The following ROBO2 variants were observed in gnomAD, a reference collection of about 807,000 sequenced individuals.
ROBO2 encodes roundabout homolog 2.
Under a neutral mutation model 160.8 loss-of-function variants are expected in ROBO2, and 53 were observed. The observed-to-expected ratio is 0.33, with a 90% CI of 0.26 to 0.41. ROBO2 has a LOEUF of 0.41. Among genes scored for constraint, ROBO2 ranks in the 10% least tolerant of loss-of-function variants. The pLI is 1.00. For missense variants in ROBO2, 1,577 were observed against 1,722.4 expected (o/e 0.92, Z 1.49); for synonymous variants, 664 against 611.7 (o/e 1.09, Z -1.26).
intron 2 of ROBO2, among the ~76,000 whole-genome samples, chr3:76,074,221 G>C (rs1472220206): frequency 6.6e-6 from 1 of 152,120 alleles, no homozygotes; most frequent in Non-Finnish European, 1.5e-5. Flanking sequence ...ATGTGAAGCT[G>C]AGGCTCAGAG....
intron 2 of ROBO2, among the ~76,000 whole-genome samples, chr3:76,039,956 G>A (rs2067230085): frequency 6.6e-6 from 1 of 151,986 alleles, no homozygotes; most frequent in Admixed American, 6.5e-5. Flanking sequence ...CATGAAAGGG[G>A]CCATATTATT....
At chr3:77,438,323 A>G (rs1581943339) in intron 2 of ROBO2, among the ~76,000 whole-genome samples, 2 of 152,066 alleles carry the variant, frequency 1.3e-5, no homozygotes, top group Non-Finnish European at 1.5e-5. Flanking sequence ...AGGACTAGCA[A>G]TTGTCCAAAT....
rs932278123 is a variant in ROBO2 at position 77,537,890 on chromosome 3, C to T, written c.935-8448C>T. On this transcript the variant is annotated intron_variant, in intron 6 of 25. Coordinates refer to ENST00000461745, the Ensembl canonical transcript of ROBO2. Reference sequence around the variant, plus strand: ...GAACAGCAGGGTAAAGACCCTGCCCCGTGATTCAATTACCTCCCACCGGGT... The same window carrying T: ...GAACAGCAGGGTAAAGACCCTGCCCTGTGATTCAATTACCTCCCACCGGGT... Among the ~76,000 whole-genome samples, 6 of 152,106 alleles carry T rather than the reference C, an allele frequency of 3.9e-5. No homozygotes were observed. The East Asian group carries it at 5.8e-4, about 15-fold the overall frequency.
chr3:77,164,858 C>T (rs1287462216), intron 2 of ROBO2, among the ~76,000 whole-genome samples: 8 of 52,822 alleles, frequency 1.5e-4, no homozygotes, highest in African/African-American at 2.8e-4. Context: ...CCCCTCAGCC[C>T]GGCCAGCCAC....
chr3:77,492,977 A>G (rs183163541), intron 4 of ROBO2, among the ~76,000 whole-genome samples: 1 of 152,312 alleles, frequency 6.6e-6, no homozygotes. Context: ...GATTTAGCTC[A>G]GGGATTCACT....
At chr3:76,739,905 A>T (rs1227215768) in intron 2 of ROBO2, among the ~76,000 whole-genome samples, 1 of 152,216 alleles carries the variant, frequency 6.6e-6, no homozygotes, top group African/African-American at 2.4e-5. Flanking sequence ...ACTAAATAAA[A>T]TTCCAGTGTT....
At chr3:76,366,992 T>C (rs1468188390) in intron 2 of ROBO2, among the ~76,000 whole-genome samples, 1 of 151,998 alleles carries the variant, frequency 6.6e-6, no homozygotes, top group African/African-American at 2.4e-5. Context: ...GCCAAATTAG[T>C]GTGCACTCAA....
At chr3:76,283,886 A>G (rs1708373738) in intron 2 of ROBO2, among the ~76,000 whole-genome samples, 1 of 152,018 alleles carries the variant, frequency 6.6e-6, no homozygotes, top group South Asian at 2.1e-4. Flanking sequence ...TCTCTATGAA[A>G]ATCTTATGAA....
At chr3:76,963,848 AAG>A (rs1491027290) in intron 2 of ROBO2, among the ~76,000 whole-genome samples, 1 of 148,566 alleles carries the variant, frequency 6.7e-6, no homozygotes, top group Admixed American at 6.6e-5. Flanking sequence ...AAAAAAAAAA[AAG>A]AAAAAAAAGA....
At chr3:76,049,634 T>C (rs2067588753) in intron 2 of ROBO2, among the ~76,000 whole-genome samples, 1 of 151,948 alleles carries the variant, frequency 6.6e-6, no homozygotes, top group South Asian at 2.1e-4. Context: ...AAGTTATTTA[T>C]ATCACACTCT....
intron 2 of ROBO2, among the ~76,000 whole-genome samples, chr3:76,919,693 T>C (rs1300465937): frequency 6.6e-6 from 1 of 152,152 alleles, no homozygotes; most frequent in Non-Finnish European, 1.5e-5. Context: ...AAAATAATAT[T>C]ATTTTTTATT....
chr3:77,457,253 A>G (rs2081755378), intron 2 of ROBO2, among the ~76,000 whole-genome samples: 2 of 152,176 alleles, frequency 1.3e-5, no homozygotes, highest in African/African-American at 2.4e-5. Context: ...TTGGGTTGTC[A>G]AGAAACTAAG....
At chr3:76,305,298 G>T (rs2071279871) in intron 2 of ROBO2, among the ~76,000 whole-genome samples, 1 of 144,302 alleles carries the variant, frequency 6.9e-6, no homozygotes, top group African/African-American at 2.6e-5. Context: ...GGCTGAGGCA[G>T]GAAGATTGCT....
At chr3:76,030,405 C>T (rs536680160) in intron 2 of ROBO2, among the ~76,000 whole-genome samples, 1 of 152,246 alleles carries the variant, frequency 6.6e-6, no homozygotes, top group Non-Finnish European at 1.5e-5. Flanking sequence ...CTTTTGATGC[C>T]GTTGCTTTTG....
intron 2 of ROBO2, among the ~76,000 whole-genome samples, chr3:76,726,632 C>T (rs1393483229): frequency 6.6e-6 from 1 of 152,166 alleles, no homozygotes; most frequent in East Asian, 1.9e-4. Flanking sequence ...TGAGGAGCCT[C>T]ACTCCTACCA....
chr3:76,933,410 A>T (rs529465160), intron 2 of ROBO2, among the ~76,000 whole-genome samples: 3 of 152,322 alleles, frequency 2.0e-5, no homozygotes, highest in African/African-American at 4.8e-5. Flanking sequence ...GAAAAATTTT[A>T]AAACTTCCTG....
chr3:76,642,353 T>TTC (rs1355773316), intron 2 of ROBO2, among the ~76,000 whole-genome samples: 2 of 137,024 alleles, frequency 1.5e-5, no homozygotes, highest in African/African-American at 5.6e-5. Context: ...TTTTTTTTTT[T>TTC]TTTTTTTTTT....
At chr3:76,028,223 C>A (rs573981346) in intron 2 of ROBO2, among the ~76,000 whole-genome samples, 2 of 140,968 alleles carry the variant, frequency 1.4e-5, no homozygotes, top group South Asian at 4.9e-4. Context: ...TAGAATTAAA[C>A]CATATTCAAA....
At position 76,828,638 on chromosome 3, in the gene ROBO2, G is replaced by A. The variant is rs543836647; in HGVS notation, c.110-269376G>A. 1.0e-3 allele frequency among the ~76,000 whole-genome samples: 155 copies of A among 152,092 alleles called. 3 individuals carry two copies. The South Asian group carries it at 0.016, about 16-fold the overall frequency. ...CCCATTATTAGGTAATAATTTTCTA[G>A]GCTCTTTAAAGCATCATAAAATATT... is the stretch of plus-strand genomic sequence containing the variant. On this transcript the variant is annotated intron_variant, in intron 2 of 26. Coordinates refer to the ROBO2 transcript ENST00000487694.
Sources: allele counts gnomAD v4.1 joint callset (sites outside exome capture counted in the v4.1 genomes callset), GRCh38; gene constraint gnomAD v4.1.1; transcripts MANE v1.5; gene names NCBI Gene and HGNC (gene_info 2026-07-23, HGNC 2026-07-21).